Variants in SLC12A8 observed in about 807,000 individuals in gnomAD.
SLC12A8 encodes solute carrier family 12 member 8, also known as cation-chloride cotransporter 9.
SLC12A8 carries 69 observed loss-of-function variants against 75.6 expected under a neutral mutation model. That is an observed-to-expected ratio of 0.91 (90% CI 0.75 to 1.11). The LOEUF (loss-of-function observed/expected upper bound fraction) is 1.11. Ranked by LOEUF, SLC12A8 falls within the 50% of genes most tolerant of loss-of-function variation. SLC12A8 has a pLI of 0.00. For synonymous variants in SLC12A8, 365 were observed against 372.8 expected (o/e 0.98, Z 0.24); for missense variants, 877 against 896.7 (o/e 0.98, Z 0.28).
chr3:125,108,438 A>T (rs1419314082), intron 9 of SLC12A8, among the ~76,000 whole-genome samples: 1 of 151,184 alleles, frequency 6.6e-6, no homozygotes, highest in African/African-American at 2.4e-5. Flanking sequence ...ATGTGATCTC[A>T]GCTCATTGCA....
Position 125,084,101 on chromosome 3 carries a change from T to G in SLC12A8, c.1983-49A>C, listed in dbSNP as rs575412060. The stretch of plus-strand genomic sequence containing the variant: ...ATGGTGAGAAGGACAGAACAGAGAC[T>G]GAACAGTAGAGGTGAGTCTACTGGG... On this transcript the variant is annotated intron_variant, in intron 13 of 13. Coordinates refer to ENST00000469902, the MANE Select transcript of SLC12A8 (RefSeq NM_024628.6). 8.7e-5 allele frequency: 133 copies of G among 1,531,008 alleles called. 1 individual carries two copies. In the South Asian group the frequency reaches 1.4e-3, roughly 16 times the overall value. 94.8% of individuals were successfully genotyped at this position (1,531,008 alleles called of 1,614,324 possible). A position where few individuals can be genotyped will look rare whatever the true frequency, so the allele number is the denominator to read the frequency against.
At chr3:125,142,428 A>C (rs1034277216) in intron 5 of SLC12A8, among the ~76,000 whole-genome samples, 52 of 152,144 alleles carry the variant, frequency 3.4e-4, no homozygotes, top group African/African-American at 1.2e-3. Context: ...CCCAGTCAAA[A>C]CTGAACTCAA....
chr3:125,153,426 T>C (rs1178330541), intron 5 of SLC12A8, among the ~76,000 whole-genome samples: 1 of 152,224 alleles, frequency 6.6e-6, no homozygotes, highest in Non-Finnish European at 1.5e-5. Flanking sequence ...ATCTGATGCC[T>C]TGTTTTGTTA....
intron 10 of SLC12A8, among the ~76,000 whole-genome samples, chr3:125,098,597 T>TACAC (rs1393482522): frequency 1.7e-5 from 2 of 115,672 alleles, no homozygotes; most frequent in Non-Finnish European, 3.8e-5. Context: ...CACACACACG[T>TACAC]ATAAAACTAG....
intron 10 of SLC12A8, among the ~76,000 whole-genome samples, chr3:125,096,583 T>C (rs1374124476): frequency 2.0e-5 from 3 of 152,214 alleles, no homozygotes; most frequent in Non-Finnish European, 4.4e-5. Flanking sequence ...CTCCAAGTAT[T>C]ATGCTTATCT....
intron 10 of SLC12A8, among the ~76,000 whole-genome samples, chr3:125,097,372 G>A (rs1007930289): frequency 1.3e-5 from 2 of 151,368 alleles, no homozygotes; most frequent in East Asian, 3.9e-4. Flanking sequence ...ATGGGCAACA[G>A]AGCAAGACTC....
At chr3:125,096,683 G>A (rs1027972370) in intron 10 of SLC12A8, among the ~76,000 whole-genome samples, 3 of 152,138 alleles carry the variant, frequency 2.0e-5, no homozygotes, top group South Asian at 2.1e-4. Flanking sequence ...TATAGGAAGC[G>A]CTCAGTAAAA....
In SLC12A8 at chr3:125,118,838, G is replaced by A. The variant is rs1475175183; in HGVS notation, c.843C>T (p.Ile281=). ...AVGISWFLYI[I]FVFLLGAICT... is the part of the protein sequence containing the mutation. ...AGATGGCGCCCAGGAGGAAGACGAA[G>A]ATGATGTACAGAAACCACCTGCAAA... The change falls in exon 8 of 14, where the codon ATC becomes ATT. Residue 281 remains isoleucine (I), a synonymous_variant. Coordinates refer to ENST00000469902, the MANE Select transcript of SLC12A8 (RefSeq NM_024628.6). The A allele has an allele frequency of 6.2e-7, 1 of 1,613,566 alleles. No individual in the cohort carries two copies. Among genetic ancestry groups the A allele is most frequent in the East Asian group, 2.2e-5 (1 of 44,860 alleles).
chr3:125,159,989 C>T (rs1384017704), intron 5 of SLC12A8, among the ~76,000 whole-genome samples: 2 of 152,206 alleles, frequency 1.3e-5, no homozygotes, highest in African/African-American at 4.8e-5. Context: ...TCAGGGTTCT[C>T]GCTCTGTCGC....
In SLC12A8 at chr3:125,180,932, GGGTGTTTAT is replaced by G. The variant is rs561443450; in HGVS notation, c.391-2967_391-2959del. On this transcript the variant is annotated intron_variant, in intron 4 of 13. Transcript: ENST00000469902. The stretch of plus-strand genomic sequence containing the variant: ...ACAATGAGTCTGGGGGTAGAAGTGG[GGGTGTTTAT>G]GGAGAGTAGGAAAGTAAATGTATCA... Among the ~76,000 whole-genome samples the G allele has an allele frequency of 8.5e-5, 13 of 152,214 alleles. No individual in the cohort carries two copies. The South Asian group carries it at 2.5e-3, about 29-fold the overall frequency.
At chr3:125,093,544 G>C (rs773748053) in intron 10 of SLC12A8, among the ~76,000 whole-genome samples, 1 of 152,100 alleles carries the variant, frequency 6.6e-6, no homozygotes, top group Non-Finnish European at 1.5e-5. Context: ...GCATCCCTCA[G>C]CTCAGTTATC....
At chr3:125,125,030 G>A (rs1365621777) in intron 6 of SLC12A8, among the ~76,000 whole-genome samples, 2 of 151,842 alleles carry the variant, frequency 1.3e-5, no homozygotes, top group Non-Finnish European at 2.9e-5. Context: ...CTGGGCTATT[G>A]TAGTGCCTAT....
At chr3:125,150,402 A>G (rs572265580) in intron 5 of SLC12A8, among the ~76,000 whole-genome samples, 1 of 152,362 alleles carries the variant, frequency 6.6e-6, no homozygotes, top group South Asian at 2.1e-4. Context: ...AAGACAGGTA[A>G]CAATGTGTGA....
intron 6 of SLC12A8, among the ~76,000 whole-genome samples, chr3:125,127,858 A>T (rs1933246642): frequency 6.6e-6 from 1 of 152,244 alleles, no homozygotes; most frequent in Non-Finnish European, 1.5e-5. Context: ...AAATTACAAA[A>T]AATAGACATG....
chr3:125,146,466 AAAAC>A (rs778454496), intron 5 of SLC12A8, among the ~76,000 whole-genome samples: 18 of 152,312 alleles, frequency 1.2e-4, no homozygotes, highest in East Asian at 1.9e-4. Context: ...AAAACAAAAC[AAAAC>A]AAACAAACAA....
chr3:125,092,561 G>A (rs757463471), intron 10 of SLC12A8, among the ~76,000 whole-genome samples: 14 of 152,140 alleles, frequency 9.2e-5, no homozygotes, highest in South Asian at 2.1e-4. Flanking sequence ...TGTGACCACC[G>A]GGACTGCTAG....
chr3:125,083,900 G>A lies in SLC12A8; in HGVS notation c.2135C>T (p.Pro712Leu). 6.2e-7 allele frequency: 1 copy of A among 1,612,730 alleles called. No homozygotes were observed. The highest frequency in any genetic ancestry group is 1.7e-5 in the Admixed American group (1 of 59,890). ...SSLVNREQLM[P>L]HY ...GTCCCAGCACTGCATCTAGTAGTGA[G>A]GCATCAGCTGCTCCCGGTTCACGAG... is the stretch of plus-strand genomic sequence containing the variant. The change falls in exon 14 of 14, where the codon CCT becomes CTT. Residue 712 changes from proline to leucine, a missense_variant. By Grantham distance (98) the Pro-to-Leu change is moderately conservative. Coordinates refer to ENST00000469902, the MANE Select transcript of SLC12A8 (RefSeq NM_024628.6).
chr3:125,089,711 C>T (rs1357903909), intron 12 of SLC12A8, among the ~76,000 whole-genome samples: 2 of 17,816 alleles, frequency 1.1e-4, no homozygotes, highest in Non-Finnish European at 2.0e-4. Context: ...TTTTGTGAGT[C>T]GGAGTCTCAC....
chr3:125,142,784 C>G (rs1345894784), intron 5 of SLC12A8, among the ~76,000 whole-genome samples: 1 of 152,206 alleles, frequency 6.6e-6, no homozygotes, highest in Admixed American at 6.5e-5. Flanking sequence ...TTTTCAGAAC[C>G]CTTCTAATTC....
Sources: gnomAD v4.1 joint callset for allele counts (sites outside exome capture counted in the v4.1 genomes callset) on GRCh38, gnomAD v4.1.1 for gene constraint, MANE v1.5 for transcripts, NCBI Gene and HGNC (gene_info 2026-07-23, HGNC 2026-07-21) for gene names.